Variants in PC observed in about 807,000 individuals in gnomAD.
PC encodes pyruvate carboxylase.
In PC, 46 loss-of-function variants were observed where a neutral mutation model predicts 107.8. The ratio of observed to expected loss-of-function variants is 0.43; its 90% CI spans 0.34 to 0.55. The LOEUF is 0.55. Among genes scored for constraint, PC ranks in the 20% least tolerant of loss-of-function variants. The pLI is 0.04. For synonymous variants in PC, 662 were observed against 684.7 expected (o/e 0.97, Z 0.52); for missense variants, 1,241 against 1,643.1 (o/e 0.76, Z 4.23).
intron 12 of PC, chr11:66,856,795 C>G (rs1945865938): frequency 6.6e-6 from 1 of 151,532 alleles, no homozygotes; most frequent in Non-Finnish European, 1.5e-5. Flanking sequence ...CGCGCCGCGG[C>G]GGCGGGCGCC....
At chr11:66,878,999 C>T (rs931069395) in intron 3 of PC, among the ~76,000 whole-genome samples, 4 of 152,146 alleles carry the variant, frequency 2.6e-5, no homozygotes, top group African/African-American at 7.2e-5. Flanking sequence ...TCCTGGGGGT[C>T]GACTGAGACA....
chr11:66,902,607 G>A (rs978781413), intron 3 of PC, among the ~76,000 whole-genome samples: 3 of 152,116 alleles, frequency 2.0e-5, no homozygotes, highest in Non-Finnish European at 4.4e-5. Context: ...GATCATGCTA[G>A]TGATTAGTAG....
intron 3 of PC, among the ~76,000 whole-genome samples, chr11:66,900,402 T>A (rs1220664722): frequency 6.6e-6 from 1 of 152,134 alleles, no homozygotes; most frequent in Non-Finnish European, 1.5e-5. Context: ...GACCTCATGA[T>A]CCGCCCGCCT....
intron 3 of PC, among the ~76,000 whole-genome samples, chr11:66,872,865 G>T (rs917976018): frequency 1.3e-5 from 2 of 148,428 alleles, no homozygotes; most frequent in Non-Finnish European, 3.0e-5. Flanking sequence ...GTGAAACCCC[G>T]CCTCTTACTA....
At position 66,858,890 on chromosome 11, in the gene PC, C is replaced by A; in HGVS notation, c.1368+4884G>T. 2 of 1,554,578 alleles carry A rather than the reference C, an allele frequency of 1.3e-6. No individual in the cohort carries two copies. Among genetic ancestry groups the A allele is most frequent in the Non-Finnish European group, 1.7e-6 (2 of 1,149,512 alleles). ...GTGGGAACAGCAGTGCCGAGGGGGGCCGCCCCGGGCCCTCGGACATCGCCG... is the reference window on the plus strand; with the variant it reads ...GTGGGAACAGCAGTGCCGAGGGGGGACGCCCCGGGCCCTCGGACATCGCCG... On this transcript the variant is annotated intron_variant, in intron 12 of 22. Coordinates refer to ENST00000393960, the MANE Select transcript of PC (RefSeq NM_001040716.2). The surrounding 1 kb of genome is among the most constrained non-coding windows in gnomAD (Gnocchi z 5.9).
chr11:66,850,364 G>A lies in PC; in HGVS notation c.2574C>T (p.Asn858=), dbSNP rs753913817. The A allele has an allele frequency of 2.5e-6, 4 of 1,614,010 alleles. No individual in the cohort carries two copies. The African/African-American group carries it at 5.3e-5, about 22-fold the overall frequency. ...FDCTATMKSG[N]SDVYENEIPG... ...GGATCTCATTTTCATACACGTCCGA[G>A]TTGCCAGACTTCATGGTGGCCGTGC... Residue 858 remains asparagine (N), a synonymous_variant, in exon 19 of 23, where the codon AAC becomes AAT. Transcript: ENST00000393960.
chr11:66,871,727 T>A lies in PC; in HGVS notation c.281A>T (p.Gln94Leu). The A allele has an allele frequency of 6.4e-7, 1 of 1,574,060 alleles. No individual in the cohort carries two copies. Among genetic ancestry groups the A allele is most frequent in the Non-Finnish European group, 8.6e-7 (1 of 1,160,000 alleles). Residue 94 changes from glutamine to leucine, a missense_variant, in exon 5 of 23, where the codon CAG becomes CTG. This residue lies in a region of PC where 1,143 missense variants were observed against 1,551.9 expected (regional missense o/e 0.74). Coordinates refer to ENST00000393960, the MANE Select transcript of PC (RefSeq NM_001040716.2). This position sits in a 1 kb window ranked among gnomAD's most constrained non-coding sequence, Gnocchi z 7.4. The stretch of plus-strand genomic sequence containing the variant: ...GATGTCTGGGATGTGCAGGTAGGCC[T>A]GCACGGGGGCCAGGCCGCGGCCGAT... ...YLIGRGLAPV[Q>L]AYLHIPDIIK...
chr11:66,857,682 G>C lies in PC; in HGVS notation c.1369-4299C>G. 2.6e-6 allele frequency: 4 copies of C among 1,512,738 alleles called. No individual in the cohort carries two copies. The highest frequency in any genetic ancestry group is 2.7e-6 in the Non-Finnish European group (3 of 1,131,096). 93.7% of individuals were successfully genotyped at this position (1,512,738 alleles called of 1,614,324 possible). On this transcript the variant is annotated intron_variant, in intron 12 of 22. Coordinates refer to ENST00000393960, the MANE Select transcript of PC (RefSeq NM_001040716.2). The surrounding 1 kb of genome is among the most constrained non-coding windows in gnomAD (Gnocchi z 7.1). ...GCTTCTGGGACTGTCCTGGGCCCAA[G>C]TGGGCACCTGCGCCAGCCCCACCTG...
chr11:66,851,724 CACG>C, intron 16 of PC, 63 bp downstream of exon 16: 3 of 1,542,704 alleles, frequency 1.9e-6, no homozygotes, highest in Non-Finnish European at 2.7e-6. Flanking sequence ...CAGAGGCCAT[CACG>C]ACATGGCTCG....
chr11:66,875,181 T>C (rs978865187), intron 3 of PC, among the ~76,000 whole-genome samples: 16 of 147,486 alleles, frequency 1.1e-4, no homozygotes, highest in South Asian at 4.3e-4. Flanking sequence ...AGACGACGCA[T>C]GTCTGGGGCA....
At position 66,863,926 on chromosome 11, in the gene PC, G is replaced by A. The variant is rs1358651584; in HGVS notation, c.1216C>T (p.Arg406Cys). Residue 406 changes from arginine to cysteine, a missense_variant, in exon 12 of 23, where the codon CGC (arginine) becomes TGC (cysteine). By Grantham distance (180) the Arg-to-Cys change is radical. Coordinates refer to ENST00000393960, the MANE Select transcript of PC (RefSeq NM_001040716.2). ...TGGAAGGCGGAAGCATTATCCAGGC[G>A]GATGCCCATGCCCTCTCCGCTCCGG... ...VFRSGEGMGI[R>C]LDNASAFQGA... 4 of 1,614,010 alleles carry A rather than the reference G, an allele frequency of 2.5e-6. No individual in the cohort carries two copies. Among genetic ancestry groups the A allele is most frequent in the African/African-American group, 1.3e-5 (1 of 75,064 alleles).
rs759095611 is a variant in PC, at chr11:66,870,875, G to A, written c.651C>T (p.Tyr217=). 3.7e-6 allele frequency: 6 copies of A among 1,613,208 alleles called. No individual in the cohort carries two copies. The East Asian group carries it at 8.9e-5, about 24-fold the overall frequency. ...CCAGAGCCTCTGAGTAGGCCCGGGT[G>A]TAATTCTCCTCCAGCTCCTGCGAGG... ...VHSYEELEEN[Y]TRAYSEALAA... Residue 217 remains tyrosine (Y), a synonymous_variant, in exon 8 of 23, where the codon TAC becomes TAT. Transcript: ENST00000393960. The surrounding 1 kb of genome is among the most constrained non-coding windows in gnomAD (Gnocchi z 6.1).
intron 3 of PC, among the ~76,000 whole-genome samples, chr11:66,903,280 C>CTT (rs1349868844): frequency 6.6e-6 from 1 of 152,076 alleles, no homozygotes; most frequent in Non-Finnish European, 1.5e-5. Context: ...GAGGGCATGT[C>CTT]TTATAATAAT....
At position 66,870,960 on chromosome 11, in the gene PC, C is replaced by T. The variant is rs1946705745; in HGVS notation, c.634-68G>A. On this transcript the variant is annotated intron_variant, in intron 7 of 22. Coordinates refer to ENST00000393960, the MANE Select transcript of PC (RefSeq NM_001040716.2). The surrounding 1 kb of genome is among the most constrained non-coding windows in gnomAD (Gnocchi z 6.1). ...GCGCTACCTCTCCCCTGCCATGAACCCCACCCACTTTCCAGATCCCTTGAG... is the reference window on the plus strand; with the variant it reads ...GCGCTACCTCTCCCCTGCCATGAACTCCACCCACTTTCCAGATCCCTTGAG... 1 of 1,606,398 alleles carries T rather than the reference C, an allele frequency of 6.2e-7. No individual in the cohort carries two copies. The highest frequency in any genetic ancestry group is 8.5e-7 in the Non-Finnish European group (1 of 1,175,426).
At chr11:66,922,034 G>A (rs955687222) in intron 3 of PC, among the ~76,000 whole-genome samples, 2 of 152,104 alleles carry the variant, frequency 1.3e-5, no homozygotes, top group Non-Finnish European at 1.5e-5. Context: ...TGTGAATGAG[G>A]GTAGGGGTCC....
intron 3 of PC, among the ~76,000 whole-genome samples, chr11:66,873,481 A>AT (rs1380811780): frequency 2.8e-5 from 2 of 71,466 alleles, no homozygotes; most frequent in Non-Finnish European, 5.1e-5. Flanking sequence ...AATATAATAT[A>AT]TAATATTATA....
chr11:66,955,677 G>A lies in PC; in HGVS notation c.-227-1241C>T, dbSNP rs78086605. Among the ~76,000 whole-genome samples the A allele has an allele frequency of 2.1e-3, 320 of 152,240 alleles. 3 individuals carry two copies. The highest frequency in any genetic ancestry group is 0.015 in the East Asian group (80 of 5,178). On this transcript the variant is annotated intron_variant, in intron 1 of 22. Transcript: ENST00000393960. The stretch of plus-strand genomic sequence containing the variant: ...AAGGAGCCATTAGTAAACAAATGAC[G>A]GCTGCTTTCAGGGAGCTTACCAGAA...
In PC at chr11:66,858,922, C is replaced by T; in HGVS notation, c.1368+4852G>A. On this transcript the variant is annotated intron_variant, in intron 12 of 22. Transcript: ENST00000393960. This position sits in a 1 kb window ranked among gnomAD's most constrained non-coding sequence, Gnocchi z 5.9. ...GGGCCCTCGGACATCGCCGCCTCCGCTCGCACTGCTGCCGAGGGTGAGGGG... is the reference window on the plus strand; with the variant it reads ...GGGCCCTCGGACATCGCCGCCTCCGTTCGCACTGCTGCCGAGGGTGAGGGG... The T allele has an allele frequency of 6.4e-7, 1 of 1,571,072 alleles. No individual in the cohort carries two copies. Among genetic ancestry groups the T allele is most frequent in the Non-Finnish European group, 8.6e-7 (1 of 1,156,550 alleles).
intron 3 of PC, among the ~76,000 whole-genome samples, chr11:66,918,459 G>A (rs541172245): frequency 6.6e-6 from 1 of 151,682 alleles, no homozygotes; most frequent in Admixed American, 6.6e-5. Flanking sequence ...CGCAATCTTG[G>A]CTCACTGCAG....
Sources: allele counts gnomAD v4.1 joint callset (sites outside exome capture counted in the v4.1 genomes callset), GRCh38; gene constraint gnomAD v4.1.1; regional missense constraint gnomAD v4.1.1; non-coding constraint Gnocchi (gnomAD v3.1); transcripts MANE v1.5; gene names NCBI Gene and HGNC (gene_info 2026-07-23, HGNC 2026-07-21).